Variants in ARSF observed in about 807,000 individuals in gnomAD.
ARSF encodes the protein arylsulfatase F.
A neutral mutation model predicts 35.4 loss-of-function variants in ARSF; 33 were observed. That is an observed-to-expected ratio of 0.93 (90% CI 0.71 to 1.25). The LOEUF (loss-of-function observed/expected upper bound fraction) is 1.25, where lower values mean the gene tolerates loss of function less well. ARSF is among the 50% of genes most tolerant of loss of function. ARSF has a pLI of 0.00. For synonymous variants in ARSF, 222 were observed against 193.1 expected (o/e 1.15, Z -1.24); for missense variants, 501 against 480.2 (o/e 1.04, Z -0.40).
intron 1 of ARSF, among the ~76,000 whole-genome samples, chrX:3,055,040 T>C (rs1225520820): frequency 2.8e-5 from 3 of 105,752 alleles, no homozygotes; most frequent in Admixed American, 1.0e-4. Flanking sequence ...CAGCCAAAAC[T>C]GCACTTAAAA....
At chrX:3,095,333 G>T (rs1248079802) in intron 7 of ARSF, among the ~76,000 whole-genome samples, 1 of 108,334 alleles carries the variant, frequency 9.2e-6, no homozygotes, top group Non-Finnish European at 1.9e-5. Context: ...TCAGCACATA[G>T]ATGACATATG....
At chrX:3,086,973 T>A (rs2090253161) in intron 6 of ARSF, among the ~76,000 whole-genome samples, 1 of 111,745 alleles carries the variant, frequency 8.9e-6, no homozygotes, top group African/African-American at 3.3e-5. Context: ...GGGGAGAATC[T>A]GTTTTCTCTT....
intron 2 of ARSF, among the ~76,000 whole-genome samples, chrX:3,071,291 T>TTTGTTG (rs561564476): frequency 5.2e-4 from 57 of 110,208 alleles, no homozygotes; most frequent in African/African-American, 1.6e-3. Context: ...GCAAGTGTCT[T>TTTGTTG]TTGTTGTTGT....
chrX:3,045,649 G>A (rs187300925), intron 1 of ARSF, among the ~76,000 whole-genome samples: 2,131 of 106,008 alleles, frequency 0.02, 28 homozygotes, highest in Middle Eastern at 0.063. Context: ...TCCACCTCCC[G>A]GGTTCAAGTG....
intron 10 of ARSF, among the ~76,000 whole-genome samples, chrX:3,111,681 A>T (rs1005446873): frequency 9.1e-6 from 1 of 110,256 alleles, no homozygotes; most frequent in African/African-American, 3.3e-5. Flanking sequence ...TTTATTGTGC[A>T]CTTTATTTCT....
Position 3,080,903 on chromosome X carries a change from G to A in ARSF, c.296G>A (p.Ser99Asn). Reference sequence around the variant, plus strand: ...ACACTACATCTAGGTATGGTTTCTAGTGGTAATAGACGTGTCATCCAAAAT... The same window carrying A: ...ACACTACATCTAGGTATGGTTTCTAATGGTAATAGACGTGTCATCCAAAAT... ...RYPIRSGMVS[S>N]GNRRVIQNLA... Residue 99 changes from serine to asparagine, a missense_variant, in exon 5 of 11, where the codon AGT becomes AAT. Physicochemically the swap from Ser to Asn is conservative, Grantham distance 46. Coordinates refer to ENST00000381127, the MANE Select transcript of ARSF (RefSeq NM_001201539.2). 8.3e-7 allele frequency: 1 copy of A among 1,211,434 alleles called. No individual in the cohort carries two copies. The highest frequency in any genetic ancestry group is 1.1e-6 in the Non-Finnish European group (1 of 895,329).
intron 1 of ARSF, among the ~76,000 whole-genome samples, chrX:3,067,519 C>A (rs949724429): frequency 9.0e-6 from 1 of 111,231 alleles, no homozygotes; most frequent in Non-Finnish European, 1.9e-5. Flanking sequence ...GACATTGAGA[C>A]AATGCTCTTG....
At chrX:3,041,892 A>G (rs1346945279) in intron 1 of ARSF, among the ~76,000 whole-genome samples, 1 of 112,349 alleles carries the variant, frequency 8.9e-6, no homozygotes, top group Non-Finnish European at 1.9e-5. Context: ...ACTTACATAA[A>G]TCTTTAATAA....
intron 3 of ARSF, among the ~76,000 whole-genome samples, chrX:3,075,892 T>G (rs867707781): frequency 2.3e-5 from 1 of 44,156 alleles, no homozygotes; most frequent in Non-Finnish European, 4.3e-5. Context: ...TCTCTCCATC[T>G]CTCTCTCTGT....
intron 7 of ARSF, among the ~76,000 whole-genome samples, chrX:3,099,316 A>G (rs1471602479): frequency 9.0e-6 from 1 of 111,672 alleles, no homozygotes; most frequent in East Asian, 2.8e-4. Context: ...AAACCAATGG[A>G]CAAACAAAAA....
At chrX:3,091,376 A>G (rs531977555) in intron 7 of ARSF, among the ~76,000 whole-genome samples, 1 of 112,805 alleles carries the variant, frequency 8.9e-6, no homozygotes, top group South Asian at 3.7e-4. Context: ...CTGTAGAGAG[A>G]ACAATGTAAA....
At position 3,084,517 on chromosome X, in the gene ARSF, C is replaced by T. The variant is rs759880330; in HGVS notation, c.681C>T (p.Phe227=). 1.7e-6 allele frequency: 2 copies of T among 1,209,286 alleles called. No individual in the cohort carries two copies. The highest frequency in any genetic ancestry group is 3.0e-5 in the East Asian group (1 of 33,728). Residue 227 remains phenylalanine, a synonymous_variant, in exon 6 of 11, where the codon TTC becomes TTT. Coordinates refer to ENST00000381127, the MANE Select transcript of ARSF (RefSeq NM_001201539.2). ...LLIFSMILFI[F]LLGYAWFSSH... Reference sequence around the variant, plus strand: ...TCTTCTCCATGATTCTGTTTATTTTCCTCTTGGGCTATGCTTGGTTCTCCA... The same window carrying T: ...TCTTCTCCATGATTCTGTTTATTTTTCTCTTGGGCTATGCTTGGTTCTCCA...
At chrX:3,079,626 G>A (rs1337176518) in intron 4 of ARSF, among the ~76,000 whole-genome samples, 1 of 109,518 alleles carries the variant, frequency 9.1e-6, no homozygotes. Flanking sequence ...TTACAGGTGC[G>A]AGTCACCACA....
At chrX:3,055,225 C>A in intron 1 of ARSF, among the ~76,000 whole-genome samples, 1 of 105,972 alleles carries the variant, frequency 9.4e-6, no homozygotes, top group Non-Finnish European at 1.9e-5. Context: ...GCCTGTAATC[C>A]CAGCTACTCG....
chrX:3,046,355 T>A (rs2089975610), intron 1 of ARSF, among the ~76,000 whole-genome samples: 1 of 111,968 alleles, frequency 8.9e-6, no homozygotes, highest in East Asian at 2.8e-4. Flanking sequence ...TTTTCCAGGC[T>A]GCTCTTTGTT....
intron 6 of ARSF, among the ~76,000 whole-genome samples, chrX:3,084,983 T>C (rs1237365028): frequency 9.0e-6 from 1 of 111,319 alleles, no homozygotes; most frequent in Non-Finnish European, 1.9e-5. Flanking sequence ...TAGGGGATGA[T>C]GGTATTAAAA....
intron 5 of ARSF, among the ~76,000 whole-genome samples, chrX:3,082,167 C>A (rs927252077): frequency 9.0e-6 from 1 of 111,527 alleles, no homozygotes; most frequent in African/African-American, 3.3e-5. Flanking sequence ...CTCACAGGCA[C>A]CCTTTGGTGA....
Position 3,104,032 on chromosome X carries a change from A to G in ARSF, c.1265+108A>G, listed in dbSNP as rs747009743. On this transcript the variant is annotated intron_variant, in intron 9 of 10. Transcript: ENST00000381127. ...ATCCTGGCAGACCCACTTTTTCCCT[A>G]GTATCTACACAGTTTTACCTTCCTA... The G allele has an allele frequency of 1.8e-5, 15 of 826,619 alleles. No individual in the cohort carries two copies. The East Asian group carries it at 4.9e-4, about 27-fold the overall frequency. The allele number at this position is 826,619 out of a possible 1,213,427, so 68.1% of individuals were successfully genotyped here.
At position 3,086,817 on chromosome X, in the gene ARSF, T is replaced by C. The variant is rs762899880; in HGVS notation, c.830+2151T>C. ...TGGGCAACAGAGTGAGGCCCTGTCT[T>C]AAAAAATAAAAAAAATTACCACAAA... On this transcript the variant is annotated intron_variant, in intron 6 of 10. Transcript: ENST00000381127. Among the ~76,000 whole-genome samples the C allele has an allele frequency of 2.4e-3, 264 of 111,002 alleles. 2 individuals are homozygous for C. The highest frequency in any genetic ancestry group is 7.2e-3 in the African/African-American group (219 of 30,610).
Sources: gnomAD v4.1 joint callset for allele counts (sites outside exome capture counted in the v4.1 genomes callset) on GRCh38, gnomAD v4.1.1 for gene constraint, MANE v1.5 for transcripts, NCBI Gene and HGNC (gene_info 2026-07-23, HGNC 2026-07-21) for gene names.